CREB5: variants seen among roughly 807,000 people sequenced by gnomAD.
The protein encoded by CREB5 is cAMP responsive element binding protein 5, also known as cyclic AMP-responsive element-binding protein 5.
Under a neutral mutation model 57.1 loss-of-function variants are expected in CREB5, and 19 were observed. That is an observed-to-expected ratio of 0.33 (90% CI 0.23 to 0.49). The LOEUF (loss-of-function observed/expected upper bound fraction) is 0.49, where lower values mean the gene tolerates loss of function less well. Among genes scored for constraint, CREB5 ranks in the 20% least tolerant of loss-of-function variants. The pLI is 0.99. For synonymous variants in CREB5, 238 were observed against 238.3 expected (o/e 1.00, Z 0.01); for missense variants, 579 against 671.6 (o/e 0.86, Z 1.52).
At chr7:28,526,171 G>C (rs189235364) in intron 4 of CREB5, among the ~76,000 whole-genome samples, 42 of 152,298 alleles carry the variant, frequency 2.8e-4, no homozygotes, top group Admixed American at 2.6e-3. Flanking sequence ...CTCAGAGGTG[G>C]GTTAGTGTCT....
chr7:28,757,070 A>G (rs1175366014), intron 7 of CREB5, among the ~76,000 whole-genome samples: 1 of 152,094 alleles, frequency 6.6e-6, no homozygotes, highest in Non-Finnish European at 1.5e-5. Context: ...TCAGTTACTC[A>G]CCCTAATTTT....
At chr7:28,387,247 T>C (rs1306971239) in intron 1 of CREB5, among the ~76,000 whole-genome samples, 1 of 152,196 alleles carries the variant, frequency 6.6e-6, no homozygotes, top group Non-Finnish European at 1.5e-5. Flanking sequence ...CTGTAGTTTT[T>C]TGACTTTTTA....
chr7:28,564,624 A>T (rs1315140158), intron 4 of CREB5, among the ~76,000 whole-genome samples: 1 of 152,210 alleles, frequency 6.6e-6, no homozygotes, highest in Non-Finnish European at 1.5e-5. Flanking sequence ...GCATCCCAAG[A>T]TACTTGAGGA....
chr7:28,592,683 C>A (rs1456351556), intron 5 of CREB5, among the ~76,000 whole-genome samples: 1 of 152,064 alleles, frequency 6.6e-6, no homozygotes, highest in Non-Finnish European at 1.5e-5. Flanking sequence ...AGAAGCAAAA[C>A]CTGTTCAAGT....
At chr7:28,554,433 C>T (rs1794782091) in intron 4 of CREB5, among the ~76,000 whole-genome samples, 1 of 152,168 alleles carries the variant, frequency 6.6e-6, no homozygotes, top group Non-Finnish European at 1.5e-5. Flanking sequence ...CAAGCCAGAC[C>T]CCCTGTTTTG....
chr7:28,309,675 G>T (rs989862004), intron 1 of CREB5, among the ~76,000 whole-genome samples: 1 of 152,152 alleles, frequency 6.6e-6, no homozygotes, highest in African/African-American at 2.4e-5. Flanking sequence ...TTTTGATACT[G>T]ATGCTCCCAG....
At chr7:28,531,496 G>A (rs114145953) in intron 4 of CREB5, among the ~76,000 whole-genome samples, 8,132 of 152,198 alleles carry the variant, frequency 0.053, 254 homozygotes, top group South Asian at 0.11. Context: ...CACCACTCAT[G>A]ATAGATTGGG....
intron 7 of CREB5, among the ~76,000 whole-genome samples, chr7:28,746,953 A>G (rs980776984): frequency 2.6e-5 from 4 of 152,246 alleles, no homozygotes; most frequent in African/African-American, 9.6e-5. Flanking sequence ...GCTCTAGAGT[A>G]GAAAACAGTT....
intron 1 of CREB5, among the ~76,000 whole-genome samples, chr7:28,392,161 T>C (rs908951993): frequency 6.6e-6 from 1 of 151,940 alleles, no homozygotes; most frequent in African/African-American, 2.4e-5. Context: ...TCAGGAAAAA[T>C]AACTGTTGGG....
intron 5 of CREB5, among the ~76,000 whole-genome samples, chr7:28,594,844 G>C (rs1796642017): frequency 6.6e-6 from 1 of 152,128 alleles, no homozygotes; most frequent in Non-Finnish European, 1.5e-5. Flanking sequence ...GACTTCAAAG[G>C]AGTTTTTAGT....
At position 28,438,127 on chromosome 7, in the gene CREB5, C is replaced by G. The variant is rs77268306; in HGVS notation, c.3+25210C>G. On this transcript the variant is annotated intron_variant, in intron 1 of 10. Coordinates refer to ENST00000357727, the MANE Select transcript of CREB5 (RefSeq NM_182898.4). ...ACAAGAATCCTGCCCAAAGACCTTA[C>G]TACCTAGGGTCACATTGATTGTTAT... Among the ~76,000 whole-genome samples, 736 of 152,264 alleles carry G rather than the reference C, an allele frequency of 4.8e-3. 3 individuals are homozygous for G. The highest frequency in any genetic ancestry group is 0.014 in the Middle Eastern group (4 of 294).
chr7:28,533,373 C>T (rs1793814327), intron 4 of CREB5, among the ~76,000 whole-genome samples: 1 of 152,180 alleles, frequency 6.6e-6, no homozygotes, highest in Non-Finnish European at 1.5e-5. Flanking sequence ...GAAGGGATGG[C>T]GAGACCGCAT....
At chr7:28,785,250 C>G (rs1807252248) in intron 7 of CREB5, among the ~76,000 whole-genome samples, 1 of 152,128 alleles carries the variant, frequency 6.6e-6, no homozygotes, top group South Asian at 2.1e-4. Context: ...GGTCGTATGT[C>G]CCAGTTTAAC....
At chr7:28,790,454 GA>G (rs1807612392) in intron 7 of CREB5, among the ~76,000 whole-genome samples, 1 of 35,000 alleles carries the variant, frequency 2.9e-5, no homozygotes, top group Non-Finnish European at 6.7e-5. Context: ...GAGAGAGAGA[GA>G]GAGAGATAGA....
At chr7:28,538,476 A>T (rs1794068995) in intron 4 of CREB5, among the ~76,000 whole-genome samples, 1 of 152,208 alleles carries the variant, frequency 6.6e-6, no homozygotes, top group Non-Finnish European at 1.5e-5. Context: ...GATATAATAT[A>T]TGACTCTTCT....
intron 7 of CREB5, among the ~76,000 whole-genome samples, chr7:28,757,375 T>A (rs1805384127): frequency 6.6e-6 from 1 of 152,040 alleles, no homozygotes; most frequent in African/African-American, 2.4e-5. Flanking sequence ...GAAACCTATA[T>A]AGAAGTAATA....
intron 7 of CREB5, among the ~76,000 whole-genome samples, chr7:28,761,457 G>T (rs1165854024): frequency 6.6e-6 from 1 of 152,176 alleles, no homozygotes; most frequent in Admixed American, 6.5e-5. Context: ...TTCCTGAGAT[G>T]GGTCTCAGGG....
intron 1 of CREB5, among the ~76,000 whole-genome samples, chr7:28,461,458 T>C (rs550900356): frequency 6.6e-6 from 1 of 152,314 alleles, no homozygotes; most frequent in East Asian, 1.9e-4. Flanking sequence ...ACTCTGAGTT[T>C]AGAGTAGAAA....
chr7:28,768,172 G>A (rs1240841563), intron 7 of CREB5, among the ~76,000 whole-genome samples: 4 of 152,288 alleles, frequency 2.6e-5, no homozygotes, highest in Middle Eastern at 6.8e-3. Context: ...AGAGTAGGGG[G>A]TGAATGTGCA....
Sources: allele counts gnomAD v4.1 joint callset (sites outside exome capture counted in the v4.1 genomes callset), GRCh38; gene constraint gnomAD v4.1.1; transcripts MANE v1.5; gene names NCBI Gene and HGNC (gene_info 2026-07-23, HGNC 2026-07-21).